The following GALNT18 variants were observed in gnomAD, a reference collection of about 807,000 sequenced individuals.
GALNT18 encodes the protein polypeptide N-acetylgalactosaminyltransferase 18, also known as GalNAc-transferase 18.
Under a neutral mutation model 69.5 loss-of-function variants are expected in GALNT18, and 44 were observed. The ratio of observed to expected loss-of-function variants is 0.63; its 90% CI spans 0.50 to 0.81. GALNT18 has a LOEUF of 0.81. Among genes scored for constraint, GALNT18 ranks in the 40% least tolerant of loss-of-function variants. GALNT18 has a pLI of 0.00. For missense variants in GALNT18, 715 were observed against 810.0 expected (o/e 0.88, Z 1.42); for synonymous variants, 364 against 318.2 (o/e 1.14, Z -1.53).
At chr11:11,294,918 C>T (rs1590017113) in intron 9 of GALNT18, among the ~76,000 whole-genome samples, 1 of 151,740 alleles carries the variant, frequency 6.6e-6, no homozygotes, top group South Asian at 2.1e-4. Context: ...CAAGATACCA[C>T]ACTTTTCCAC....
chr11:11,460,453 C>T (rs767292659), intron 1 of GALNT18, among the ~76,000 whole-genome samples: 8 of 152,214 alleles, frequency 5.3e-5, no homozygotes, highest in Non-Finnish European at 7.3e-5. Context: ...GAACACACCC[C>T]GTACAATCTG....
rs567164953 is a variant in GALNT18 at position 11,418,142 on chromosome 11, T to C, written c.595+14479A>G. ...GACTTTGAAAACTCTTCTATCCCCA[T>C]GTTTCTGTCTCTGTTTCCCTTCAGT... On this transcript the variant is annotated intron_variant, in intron 3 of 10. Transcript: ENST00000227756. Among the ~76,000 whole-genome samples the C allele has an allele frequency of 3.9e-5, 6 of 152,340 alleles. No homozygotes were observed. The East Asian group carries it at 5.8e-4, about 15-fold the overall frequency.
At chr11:11,346,934 T>A (rs1850314076) in intron 6 of GALNT18, among the ~76,000 whole-genome samples, 1 of 152,144 alleles carries the variant, frequency 6.6e-6, no homozygotes, top group South Asian at 2.1e-4. Flanking sequence ...GATGTCAGCT[T>A]TTTCTTGGGA....
intron 1 of GALNT18, among the ~76,000 whole-genome samples, chr11:11,612,989 G>A (rs187748074): frequency 6.6e-6 from 1 of 152,166 alleles, no homozygotes; most frequent in Non-Finnish European, 1.5e-5. Flanking sequence ...GAATGTTTAT[G>A]GTGGCTGGAC....
rs1183931011 is a variant in GALNT18, at chr11:11,595,245, A to G, written c.235+26114T>C. Among the ~76,000 whole-genome samples the G allele has an allele frequency of 6.6e-6, 1 of 152,072 alleles. No individual in the cohort carries two copies. Among genetic ancestry groups the G allele is most frequent in the South Asian group, 2.1e-4 (1 of 4,824 alleles). On this transcript the variant is annotated intron_variant, in intron 1 of 10. Coordinates refer to ENST00000227756, the MANE Select transcript of GALNT18 (RefSeq NM_198516.3). The surrounding 1 kb of genome is among the most constrained non-coding windows in gnomAD (Gnocchi z 5.2). Reference sequence around the variant, plus strand: ...AGAAGGTGGGGCCCTAGGGAGGTGGATAGGTAATGAGGCCTTTGTCCTCAT... The same window carrying G: ...AGAAGGTGGGGCCCTAGGGAGGTGGGTAGGTAATGAGGCCTTTGTCCTCAT...
At chr11:11,442,341 A>G (rs1855547594) in intron 2 of GALNT18, among the ~76,000 whole-genome samples, 2 of 152,202 alleles carry the variant, frequency 1.3e-5, no homozygotes. Context: ...CCATCTGATC[A>G]GCAATCTTCG....
At position 11,279,440 on chromosome 11, in the gene GALNT18, G is replaced by A. The variant is rs1045429139; in HGVS notation, c.1678-8150C>T. On this transcript the variant is annotated intron_variant, in intron 10 of 10. Coordinates refer to ENST00000227756, the MANE Select transcript of GALNT18 (RefSeq NM_198516.3). Reference sequence around the variant, plus strand: ...ATGACCCAACACTTCTATCAGAAACGTTTATACCAAAAACATGCGCATGAA... The same window carrying A: ...ATGACCCAACACTTCTATCAGAAACATTTATACCAAAAACATGCGCATGAA... Among the ~76,000 whole-genome samples, 27 of 152,004 alleles carry A rather than the reference G, an allele frequency of 1.8e-4. 1 individual carries two copies. The highest frequency in any genetic ancestry group is 5.9e-5 in the Non-Finnish European group (4 of 68,006).
chr11:11,335,813 G>A (rs959000277), intron 7 of GALNT18, among the ~76,000 whole-genome samples: 1 of 152,102 alleles, frequency 6.6e-6, no homozygotes, highest in African/African-American at 2.4e-5. Context: ...CCACAACCAG[G>A]GACCCCCTCA....
intron 1 of GALNT18, among the ~76,000 whole-genome samples, chr11:11,517,056 G>A (rs1857292961): frequency 6.6e-6 from 1 of 152,234 alleles, no homozygotes; most frequent in African/African-American, 2.4e-5. Context: ...TGTCCCTTCA[G>A]CCATGTGAGG....
Position 11,620,822 on chromosome 11 carries a change from AG to A in GALNT18, c.235+536del, listed in dbSNP as rs1860174072. 6.6e-6 allele frequency among the ~76,000 whole-genome samples: 1 copy of A among 152,160 alleles called. No individual in the cohort carries two copies. Among genetic ancestry groups the A allele is most frequent in the African/African-American group, 2.4e-5 (1 of 41,440 alleles). On this transcript the variant is annotated intron_variant, in intron 1 of 10. Transcript: ENST00000227756. This position sits in a 1 kb window ranked among gnomAD's most constrained non-coding sequence, Gnocchi z 6.9. ...CCCTATCGCCTACCAACGGGATCAC[AG>A]CAAGACTGGGGCTGGGGCTGATACA...
intron 1 of GALNT18, among the ~76,000 whole-genome samples, chr11:11,577,597 C>A (rs891948631): frequency 2.0e-5 from 3 of 152,194 alleles, no homozygotes; most frequent in African/African-American, 7.2e-5. Flanking sequence ...AAGTAAAGCC[C>A]AGAGAAGCTG....
intron 6 of GALNT18, among the ~76,000 whole-genome samples, chr11:11,343,534 T>C (rs557508294): frequency 1.2e-4 from 19 of 152,180 alleles, no homozygotes; most frequent in African/African-American, 4.1e-4. Flanking sequence ...GTTCTGAGGA[T>C]CATGAGAAGG....
chr11:11,351,788 A>ATT (rs202001941), intron 6 of GALNT18, among the ~76,000 whole-genome samples: 6 of 145,834 alleles, frequency 4.1e-5, no homozygotes, highest in African/African-American at 1.5e-4. Flanking sequence ...GCCTATTATA[A>ATT]TTTTTTTTTA....
rs779076730 is a variant in GALNT18, at chr11:11,583,040, A to C, written c.235+38319T>G. 4.6e-5 allele frequency among the ~76,000 whole-genome samples: 7 copies of C among 152,112 alleles called. No homozygotes were observed. Among genetic ancestry groups the C allele is most frequent in the Non-Finnish European group, 7.4e-5 (5 of 68,018 alleles). On this transcript the variant is annotated intron_variant, in intron 1 of 10. Transcript: ENST00000227756. The surrounding 1 kb of genome is among the most constrained non-coding windows in gnomAD (Gnocchi z 4.7). The stretch of plus-strand genomic sequence containing the variant: ...GCATGGGACTCTAAGTCCTGCCAAC[A>C]CTCAACTCAGGAAGGTCGTTCATGT...
rs1859372739 is a variant in GALNT18, at chr11:11,592,089, T to G, written c.235+29270A>C. Among the ~76,000 whole-genome samples, 1 of 152,198 alleles carries G rather than the reference T, an allele frequency of 6.6e-6. No homozygotes were observed. Among genetic ancestry groups the G allele is most frequent in the Non-Finnish European group, 1.5e-5 (1 of 68,034 alleles). ...ATAGCATTTAGCATGGTACCTGGCA[T>G]GTAATAAAACTCAATAAATGCTAGC... On this transcript the variant is annotated intron_variant, in intron 1 of 10. Coordinates refer to ENST00000227756, the MANE Select transcript of GALNT18 (RefSeq NM_198516.3). This position sits in a 1 kb window ranked among gnomAD's most constrained non-coding sequence, Gnocchi z 5.9.
chr11:11,472,883 T>C (rs950742344), intron 1 of GALNT18, among the ~76,000 whole-genome samples: 2 of 152,090 alleles, frequency 1.3e-5, no homozygotes, highest in African/African-American at 4.8e-5. Flanking sequence ...TCCCAGCTAC[T>C]CAGGAGGCTG....
chr11:11,610,053 T>C (rs961320174), intron 1 of GALNT18, among the ~76,000 whole-genome samples: 4 of 152,186 alleles, frequency 2.6e-5, no homozygotes, highest in African/African-American at 9.7e-5. Context: ...TCTCTCAGTC[T>C]TCCAGAGAGC....
At chr11:11,317,207 A>G (rs1431627956) in intron 9 of GALNT18, among the ~76,000 whole-genome samples, 4 of 152,226 alleles carry the variant, frequency 2.6e-5, no homozygotes, top group African/African-American at 9.6e-5. Flanking sequence ...GCTTTCTCCT[A>G]TCCAAGGCCT....
chr11:11,288,377 A>G (rs553249407), intron 10 of GALNT18, among the ~76,000 whole-genome samples: 91 of 152,240 alleles, frequency 6.0e-4, no homozygotes, highest in African/African-American at 2.2e-3. Flanking sequence ...AACTGTCTCT[A>G]CAACCTTTAT....
Sources: allele counts gnomAD v4.1 joint callset (sites outside exome capture counted in the v4.1 genomes callset), GRCh38; gene constraint gnomAD v4.1.1; non-coding constraint Gnocchi (gnomAD v3.1); transcripts MANE v1.5; gene names NCBI Gene and HGNC (gene_info 2026-07-23, HGNC 2026-07-21).